BRSK2: variants seen among roughly 807,000 people sequenced by gnomAD.
BRSK2 encodes the protein BR serine/threonine kinase 2, also known as serine/threonine-protein kinase BRSK2.
In BRSK2, 19 loss-of-function variants were observed where a neutral mutation model predicts 83.3. That is an observed-to-expected ratio of 0.23 (90% confidence interval 0.16 to 0.33). The LOEUF is 0.33. BRSK2 is among the 10% of genes least tolerant of loss of function. The pLI, the probability that BRSK2 is intolerant of heterozygous loss-of-function variation, is 1.00. For missense variants in BRSK2, 798 were observed against 1,042.3 expected (o/e 0.77, Z 3.23); for synonymous variants, 519 against 435.4 (o/e 1.19, Z -2.39).
chr11:1,457,900 T>C (rs991367408), intron 18 of BRSK2, among the ~76,000 whole-genome samples: 1 of 152,126 alleles, frequency 6.6e-6, no homozygotes, highest in African/African-American at 2.4e-5. Context: ...AGTAGCCCCC[T>C]TCTCCTGATT....
chr11:1,446,351 A>AGCTGGGCAGG (rs1852118317), intron 12 of BRSK2, among the ~76,000 whole-genome samples: 1 of 110,564 alleles, frequency 9.0e-6, no homozygotes, highest in East Asian at 2.7e-4. Context: ...GACTGGGCTG[A>AGCTGGGCAGG]GCTGGGCAGG....
chr11:1,460,772 C>T lies in BRSK2; in HGVS notation c.*49C>T, dbSNP rs1847398744. On this transcript the variant is annotated 3_prime_UTR_variant, in exon 20 of 20. Coordinates refer to ENST00000528841, the MANE Select transcript of BRSK2 (RefSeq NM_001256627.2). The stretch of plus-strand genomic sequence containing the variant: ...ACAGCACTGACAGCGGCTGCCTCGC[C>T]GCCCGCCGCCCGCCCTGCCCCGAGT... 24 of 1,408,540 alleles carry T rather than the reference C, an allele frequency of 1.7e-5. No individual in the cohort carries two copies. Among genetic ancestry groups the T allele is most frequent in the African/African-American group, 4.6e-5 (3 of 65,896 alleles). The allele number at this position is 1,408,540 out of a possible 1,614,324, so 87.3% of individuals were successfully genotyped here.
Position 1,429,415 on chromosome 11 carries a change from C to T in BRSK2, c.92-6625C>T, listed in dbSNP as rs906081140. Among the ~76,000 whole-genome samples, 29 of 149,638 alleles carry T rather than the reference C, an allele frequency of 1.9e-4. 1 individual carries two copies. Among genetic ancestry groups the T allele is most frequent in the African/African-American group, 5.2e-4 (21 of 40,776 alleles). On this transcript the variant is annotated intron_variant, in intron 1 of 19. Transcript: ENST00000528841. ...CTGAGTGTAGGCACAGGGGTGTGCA[C>T]GCATGGAGGTATGCACACACCTAGG...
chr11:1,437,010 G>C (rs188872770), intron 2 of BRSK2, among the ~76,000 whole-genome samples: 6 of 151,600 alleles, frequency 4.0e-5, no homozygotes, highest in African/African-American at 1.5e-4. Context: ...GTGGGGGTGG[G>C]GTTAAGGGCT....
At chr11:1,424,201 G>A (rs563087847) in intron 1 of BRSK2, among the ~76,000 whole-genome samples, 16 of 152,334 alleles carry the variant, frequency 1.1e-4, no homozygotes, top group South Asian at 4.1e-4. Context: ...GAACTGCTCC[G>A]TGAGCCCCGG....
intron 1 of BRSK2, among the ~76,000 whole-genome samples, chr11:1,398,356 G>A (rs962401792): frequency 2.1e-4 from 32 of 152,304 alleles, no homozygotes; most frequent in African/African-American, 7.0e-4. Flanking sequence ...TTCCCTGGGC[G>A]GGGGTGACGT....
chr11:1,412,921 G>A (rs530708665), intron 1 of BRSK2, among the ~76,000 whole-genome samples: 2 of 150,658 alleles, frequency 1.3e-5, no homozygotes, highest in Non-Finnish European at 2.9e-5. Flanking sequence ...GGACGGGACC[G>A]CCCATGGCCT....
chr11:1,450,882 G>A, intron 14 of BRSK2, 88 bp downstream of exon 14: 2 of 1,289,640 alleles, frequency 1.6e-6, no homozygotes, highest in Non-Finnish European at 2.1e-6. Flanking sequence ...TGCCAGACCA[G>A]TCCGAGGGGC....
chr11:1,423,129 T>TGCCTCCATGTACCTCAGG lies in BRSK2; in HGVS notation c.92-12904_92-12887dup, dbSNP rs1389752226. ...GCACCCAGGACCTCCCCAAGAGCTGTGCCTCCATGTACCTCAGGGCCTCCC... is the reference window on the plus strand; with the variant it reads ...GCACCCAGGACCTCCCCAAGAGCTGTGCCTCCATGTACCTCAGGGCCTCCATGTACCTCAGGGCCTCCC... On this transcript the variant is annotated intron_variant, in intron 1 of 19. Coordinates refer to ENST00000528841, the MANE Select transcript of BRSK2 (RefSeq NM_001256627.2). The surrounding 1 kb of genome is among the most constrained non-coding windows in gnomAD (Gnocchi z 6.5). Among the ~76,000 whole-genome samples, 1 of 152,196 alleles carries TGCCTCCATGTACCTCAGG rather than the reference T, an allele frequency of 6.6e-6. No homozygotes were observed. The highest frequency in any genetic ancestry group is 2.4e-5 in the African/African-American group (1 of 41,452).
At chr11:1,411,581 C>A (rs1847508922) in intron 1 of BRSK2, 1 of 1,582,358 alleles carries the variant, frequency 6.3e-7, no homozygotes. Context: ...TCCAGCCGCA[C>A]CTCCACCTTC....
intron 18 of BRSK2, among the ~76,000 whole-genome samples, chr11:1,457,661 C>T (rs544763985): frequency 6.6e-6 from 1 of 152,264 alleles, no homozygotes; most frequent in African/African-American, 2.4e-5. Flanking sequence ...GGTCCCCTCT[C>T]CCAGCCTGCA....
chr11:1,456,868 C>T (rs1846629196), intron 18 of BRSK2, 181 bp downstream of exon 18: 10 of 1,464,906 alleles, frequency 6.8e-6, no homozygotes, highest in Non-Finnish European at 9.3e-6. Flanking sequence ...CCTCCCTGGC[C>T]TGGCGGGACC....
chr11:1,460,742 C>CAGCA lies in BRSK2; in HGVS notation c.*19_*20insAGCA. The stretch of plus-strand genomic sequence containing the variant: ...GCCTTAGACACACTAGCCCCCCCCC[C>CAGCA]CAGCACAGCACTGACAGCGGCTGCC... On this transcript the variant is annotated 3_prime_UTR_variant, in exon 20 of 20. Transcript: ENST00000528841. The CAGCA allele has an allele frequency of 2.1e-6, 3 of 1,414,416 alleles. No individual in the cohort carries two copies. Among genetic ancestry groups the CAGCA allele is most frequent in the South Asian group, 2.9e-5 (2 of 69,700 alleles). 87.6% of individuals were successfully genotyped at this position (1,414,416 alleles called of 1,614,324 possible).
At chr11:1,429,277 G>GTGGGTGTGTGCAC (rs1849664168) in intron 1 of BRSK2, among the ~76,000 whole-genome samples, 1 of 109,204 alleles carries the variant, frequency 9.2e-6, no homozygotes, top group Non-Finnish European at 1.7e-5. Context: ...GTGCACTCGT[G>GTGGGTGTGTGCAC]TGGGTGTGTG....
chr11:1,416,926 C>T (rs1455000289), intron 1 of BRSK2, among the ~76,000 whole-genome samples: 2 of 152,072 alleles, frequency 1.3e-5, no homozygotes, highest in African/African-American at 4.8e-5. Context: ...TTTGGGAGGT[C>T]AAGGAGGGCG....
chr11:1,448,180 C>T (rs989544450), intron 12 of BRSK2, among the ~76,000 whole-genome samples: 7 of 152,346 alleles, frequency 4.6e-5, no homozygotes, highest in Admixed American at 6.5e-5. Context: ...CGGTGGGCCT[C>T]GGTGGCCCTG....
At chr11:1,401,263 A>G (rs1359022832) in intron 1 of BRSK2, among the ~76,000 whole-genome samples, 1 of 152,182 alleles carries the variant, frequency 6.6e-6, no homozygotes, top group Non-Finnish European at 1.5e-5. Flanking sequence ...CCCGTGAGCA[A>G]CTGATGCACG....
At chr11:1,450,891 G>T in intron 14 of BRSK2, 97 bp downstream of exon 14, 1 of 1,212,456 alleles carries the variant, frequency 8.2e-7, no homozygotes, top group African/African-American at 1.6e-5. Flanking sequence ...AGTCCGAGGG[G>T]CCTGTAGCTG....
Position 1,423,155 on chromosome 11 carries a change from C to G in BRSK2, c.92-12885C>G, listed in dbSNP as rs1214419785. 6.6e-6 allele frequency among the ~76,000 whole-genome samples: 1 copy of G among 152,164 alleles called. No individual in the cohort carries two copies. Among genetic ancestry groups the G allele is most frequent in the Admixed American group, 6.5e-5 (1 of 15,286 alleles). On this transcript the variant is annotated intron_variant, in intron 1 of 19. Transcript: ENST00000528841. The surrounding 1 kb of genome is among the most constrained non-coding windows in gnomAD (Gnocchi z 6.5). ...GCCTCCATGTACCTCAGGGCCTCCC[C>G]CAGAGCGGTGCCTCGTGGGGGATGC...
Sources: gnomAD v4.1 joint callset for allele counts (sites outside exome capture counted in the v4.1 genomes callset) on GRCh38, gnomAD v4.1.1 for gene constraint, Gnocchi (gnomAD v3.1) non-coding constraint, MANE v1.5 for transcripts, NCBI Gene and HGNC (gene_info 2026-07-23, HGNC 2026-07-21) for gene names.